The following UGT3A2 variants were observed in gnomAD, a reference collection of about 807,000 sequenced individuals.
The protein encoded by UGT3A2 is UDP glycosyltransferase family 3 member A2, also known as UDP-glycosyltransferase 3A2.
A neutral mutation model predicts 39.8 loss-of-function variants in UGT3A2; 32 were observed. The observed-to-expected ratio is 0.80, with a 90% CI of 0.61 to 1.08. The LOEUF is 1.08. UGT3A2 is among the 50% of genes least tolerant of loss of function. The pLI is 0.00. For missense variants in UGT3A2, 611 were observed against 637.1 expected (o/e 0.96, Z 0.44); for synonymous variants, 241 against 230.7 (o/e 1.04, Z -0.40).
chr5:36,061,364 A>G (rs1340189300), intron 2 of UGT3A2, among the ~76,000 whole-genome samples: 1 of 148,022 alleles, frequency 6.8e-6, no homozygotes, highest in African/African-American at 2.5e-5. Context: ...AGCATTAGGT[A>G]TATCTCCCAA....
In UGT3A2 at chr5:36,035,749, C is replaced by A; in HGVS notation, c.1521G>T (p.Leu507=). 6.2e-7 allele frequency: 1 copy of A among 1,614,154 alleles called. No homozygotes were observed. Among genetic ancestry groups the A allele is most frequent in the South Asian group, 1.1e-5 (1 of 91,072 alleles). The change falls in exon 7 of 7, where the codon CTG becomes CTT. Residue 507 remains leucine, a synonymous_variant. Coordinates refer to ENST00000282507, the MANE Select transcript of UGT3A2 (RefSeq NM_174914.4). ...CACGCAGCCACCAGACAGCCATGCC[C>A]AGCAGCTTCCCACAAAGCCATAGAG... The part of the protein sequence containing the change: ...LGTLWLCGKL[L]GMAVWWLRGA...
chr5:36,035,322 G>A lies in UGT3A2; in HGVS notation c.*376C>T, dbSNP rs893118534. On this transcript the variant is annotated 3_prime_UTR_variant, in exon 7 of 7. Coordinates refer to ENST00000282507, the MANE Select transcript of UGT3A2 (RefSeq NM_174914.4). The stretch of plus-strand genomic sequence containing the variant: ...GGAGTGAGAGAGGCTGACTAGGTCT[G>A]GACATGGAGGCTGGAAGAGTCAGGG... 3.8e-6 allele frequency: 1 copy of A among 265,344 alleles called. No individual in the cohort carries two copies. The allele number at this position is 265,344 out of a possible 1,614,324, so 16.4% of individuals were successfully genotyped here. A position where few individuals can be genotyped will look rare whatever the true frequency, so the allele number is the denominator to read the frequency against.
chr5:36,035,747 C>T lies in UGT3A2; in HGVS notation c.1523G>A (p.Gly508Asp). The change falls in exon 7 of 7, where the codon GGC becomes GAC. Residue 508 changes from glycine (G) to aspartate (D), a missense_variant. Coordinates refer to ENST00000282507, the MANE Select transcript of UGT3A2 (RefSeq NM_174914.4). ...GTLWLCGKLL[G>D]MAVWWLRGAR... ...CCCACGCAGCCACCAGACAGCCATGCCCAGCAGCTTCCCACAAAGCCATAG... is the reference window on the plus strand; with the variant it reads ...CCCACGCAGCCACCAGACAGCCATGTCCAGCAGCTTCCCACAAAGCCATAG... 6.2e-7 allele frequency: 1 copy of T among 1,614,158 alleles called. No homozygotes were observed.
intron 4 of UGT3A2, among the ~76,000 whole-genome samples, chr5:36,045,787 G>C (rs1461291948): frequency 1.3e-5 from 2 of 152,092 alleles, no homozygotes; most frequent in Non-Finnish European, 2.9e-5. Context: ...ATCACATCAA[G>C]TTAGAAGGCT....
Position 36,037,837 on chromosome 5 carries a change from T to C in UGT3A2, c.1255A>G (p.Thr419Ala). The C allele has an allele frequency of 1.9e-6, 3 of 1,614,186 alleles. No homozygotes were observed. Among genetic ancestry groups the C allele is most frequent in the Non-Finnish European group, 2.5e-6 (3 of 1,180,030 alleles). Reference sequence around the variant, plus strand: ...ATTTGTTTCATCTTAAGAGCCAATGTCTCTGCCTTGAGCTTCTTTAACTGA... The same window carrying C: ...ATTTGTTTCATCTTAAGAGCCAATGCCTCTGCCTTGAGCTTCTTTAACTGA... ...SIQLKKLKAETLALKMKQIME... is the reference protein window; with the variant it reads ...SIQLKKLKAEALALKMKQIME... The change falls in exon 6 of 7, where the codon ACA (threonine) becomes GCA (alanine). Residue 419 changes from threonine to alanine, a missense_variant. Thr to Ala is a moderately conservative substitution (Grantham distance 58). Transcript: ENST00000282507.
Position 36,035,913 on chromosome 5 carries a change from G to T in UGT3A2, c.1357C>A (p.Gln453Lys). 6.2e-7 allele frequency: 1 copy of T among 1,614,226 alleles called. No individual in the cohort carries two copies. Among genetic ancestry groups the T allele is most frequent in the Non-Finnish European group, 8.5e-7 (1 of 1,180,044 alleles). Residue 453 changes from glutamine (Q) to lysine (K), a missense_variant, in exon 7 of 7, where the codon CAG becomes AAG. By Grantham distance (53) the Gln-to-Lys change is moderately conservative. Transcript: ENST00000282507. ...TGGTCAATCCAGCCCACCAGCCGCT[G>T]TGTGGGGCTGAGCGGGTGGGAGCGC... ...ILRSHPLSPT[Q>K]RLVGWIDHVL...
intron 2 of UGT3A2, among the ~76,000 whole-genome samples, chr5:36,057,251 T>C (rs1174243906): frequency 2.0e-5 from 3 of 152,226 alleles, no homozygotes; most frequent in Admixed American, 6.5e-5. Context: ...TTTCAATTCA[T>C]TAAATTGGGC....
chr5:36,049,552 A>T (rs1742277786), intron 3 of UGT3A2, 132 bp from the exon 4 acceptor site: 1 of 684,466 alleles, frequency 1.5e-6, no homozygotes, highest in East Asian at 2.8e-5. Flanking sequence ...AAATTCAACC[A>T]GTTTCCCACA....
chr5:36,039,115 C>T (rs1741921728), intron 5 of UGT3A2, among the ~76,000 whole-genome samples: 1 of 152,154 alleles, frequency 6.6e-6, no homozygotes, highest in African/African-American at 2.4e-5. Context: ...TTTGTGGCAC[C>T]TCTCCCAACC....
chr5:36,066,854 C>T lies in UGT3A2; in HGVS notation c.-65G>A, dbSNP rs59471035. Reference sequence around the variant, plus strand: ...CGCGCCCTGCGCCCGGCTAAGGGACCCTGTGCACCTCAGTGCGCCAAAGGC... The same window carrying T: ...CGCGCCCTGCGCCCGGCTAAGGGACTCTGTGCACCTCAGTGCGCCAAAGGC... On this transcript the variant is annotated 5_prime_UTR_variant, in exon 1 of 7. Coordinates refer to ENST00000282507, the MANE Select transcript of UGT3A2 (RefSeq NM_174914.4). 6.3e-7 allele frequency: 1 copy of T among 1,592,008 alleles called. No homozygotes were observed. Among genetic ancestry groups the T allele is most frequent in the Non-Finnish European group, 8.6e-7 (1 of 1,160,494 alleles).
chr5:36,061,339 A>G lies in UGT3A2; in HGVS notation c.196+2910T>C, dbSNP rs572769238. Among the ~76,000 whole-genome samples the G allele has an allele frequency of 4.4e-3, 661 of 151,718 alleles. 4 individuals are homozygous for G. The highest frequency in any genetic ancestry group is 7.7e-3 in the Non-Finnish European group (520 of 67,888). On this transcript the variant is annotated intron_variant, in intron 2 of 6. Transcript: ENST00000282507. The stretch of plus-strand genomic sequence containing the variant: ...TGTGCCATGCTGGTGCACTGCACCC[A>G]GTAACTCGTCATCTAGCATTAGGTA...
intron 2 of UGT3A2, among the ~76,000 whole-genome samples, chr5:36,061,780 G>A (rs1030787254): frequency 1.3e-5 from 2 of 151,956 alleles, no homozygotes; most frequent in African/African-American, 4.8e-5. Context: ...TGGGTCAAAT[G>A]GTATTTCTAG....
At chr5:36,036,799 T>C (rs1433744215) in intron 6 of UGT3A2, among the ~76,000 whole-genome samples, 1 of 152,240 alleles carries the variant, frequency 6.6e-6, no homozygotes, top group African/African-American at 2.4e-5. Context: ...TCCTAGTACA[T>C]GTTAAGCCTT....
At chr5:36,049,491 A>G (rs1742276711) in intron 3 of UGT3A2, 71 bp from the exon 4 acceptor site, 3 of 1,228,510 alleles carry the variant, frequency 2.4e-6, no homozygotes, top group Non-Finnish European at 3.3e-6. Flanking sequence ...GTATCTTGAG[A>G]TACAAAGAAA....
chr5:36,039,228 C>T (rs1741925253), intron 5 of UGT3A2, among the ~76,000 whole-genome samples: 1 of 152,186 alleles, frequency 6.6e-6, no homozygotes, highest in Non-Finnish European at 1.5e-5. Context: ...ACAGGAATAT[C>T]ACATAGGACT....
intron 4 of UGT3A2, among the ~76,000 whole-genome samples, chr5:36,042,790 G>A (rs1481150161): frequency 6.6e-6 from 1 of 151,934 alleles, no homozygotes; most frequent in Non-Finnish European, 1.5e-5. Flanking sequence ...AAGAGACAAA[G>A]AAGGTTATTA....
intron 4 of UGT3A2, among the ~76,000 whole-genome samples, chr5:36,040,252 G>C (rs986301751): frequency 6.6e-6 from 1 of 152,132 alleles, no homozygotes; most frequent in Non-Finnish European, 1.5e-5. Flanking sequence ...TCACCCACAG[G>C]ACTGCAAATT....
At chr5:36,054,004 A>C (rs1742429709) in intron 2 of UGT3A2, among the ~76,000 whole-genome samples, 1 of 152,212 alleles carries the variant, frequency 6.6e-6, no homozygotes, top group Non-Finnish European at 1.5e-5. Flanking sequence ...GGCCACACAT[A>C]AAATACAGTA....
At chr5:36,037,348 C>T (rs1741862189) in intron 6 of UGT3A2, among the ~76,000 whole-genome samples, 1 of 152,080 alleles carries the variant, frequency 6.6e-6, no homozygotes, top group South Asian at 2.1e-4. Flanking sequence ...GAGGCGAACT[C>T]TAAGAAGAAA....
Sources: allele counts gnomAD v4.1 joint callset (sites outside exome capture counted in the v4.1 genomes callset), GRCh38; gene constraint gnomAD v4.1.1; transcripts MANE v1.5; gene names NCBI Gene and HGNC (gene_info 2026-07-23, HGNC 2026-07-21).